The following YBX3 variants were observed in gnomAD, a reference collection of about 807,000 sequenced individuals.
YBX3 encodes the protein Y-box-binding protein 3.
In YBX3, 29 loss-of-function variants were observed where a neutral mutation model predicts 42.4. That is an observed-to-expected ratio of 0.68 (90% confidence interval 0.51 to 0.93). YBX3 has a LOEUF of 0.93. Ranked by LOEUF, YBX3 falls within the 40% of genes least tolerant of loss-of-function variation. The pLI is 0.00. For missense variants in YBX3, 517 were observed against 527.5 expected, an observed-to-expected ratio of 0.98 and a Z score of 0.19; for synonymous variants, 195 against 189.8, an observed-to-expected ratio of 1.03 and a Z score of -0.22.
At chr12:10,703,592 T>C (rs1948104626) in intron 7 of YBX3, 1 of 440,598 alleles carries the variant, frequency 2.3e-6, no homozygotes, top group African/African-American at 2.0e-5. Context: ...CAGGCTGGAA[T>C]GCAGTCCAAG....
At chr12:10,706,512 C>T (rs1479666576) in intron 6 of YBX3, among the ~76,000 whole-genome samples, 1 of 152,220 alleles carries the variant, frequency 6.6e-6, no homozygotes, top group Non-Finnish European at 1.5e-5. Context: ...TCAGCTTAAT[C>T]TCTACTTATC....
chr12:10,719,800 T>C (rs1013007759), intron 1 of YBX3, among the ~76,000 whole-genome samples: 6 of 152,342 alleles, frequency 3.9e-5, no homozygotes, highest in African/African-American at 1.2e-4. Context: ...CTCTACAGTT[T>C]TGCGAATCAA....
At chr12:10,714,498 T>C (rs1194933028) in intron 4 of YBX3, among the ~76,000 whole-genome samples, 4 of 152,202 alleles carry the variant, frequency 2.6e-5, no homozygotes. Flanking sequence ...AAAACTTCTG[T>C]AGCTAGTCTT....
chr12:10,713,178 T>C (rs575582522), intron 5 of YBX3, 33 bp downstream of exon 5: 1 of 1,591,252 alleles, frequency 6.3e-7, no homozygotes, highest in South Asian at 1.1e-5. Context: ...GAACAATTTC[T>C]CAATCACTGG....
In YBX3 at chr12:10,711,798, C is replaced by T. The variant is rs546684714; in HGVS notation, c.573+1413G>A. The T allele has an allele frequency of 5.3e-5, 8 of 152,270 alleles. No individual in the cohort carries two copies. The East Asian group carries it at 1.2e-3, about 22-fold the overall frequency. The allele number at this position is 152,270 out of a possible 1,614,324, so 9.4% of individuals were successfully genotyped here. On this transcript the variant is annotated intron_variant, in intron 5 of 9. Coordinates refer to ENST00000228251, the MANE Select transcript of YBX3 (RefSeq NM_003651.5). ...TTCTAAATATCTTTTATATGCATGA[C>T]TTTGGAATTTTCAGGTTTTGGACAG...
chr12:10,707,901 G>A (rs1428736815), intron 6 of YBX3, among the ~76,000 whole-genome samples: 2 of 152,202 alleles, frequency 1.3e-5, no homozygotes, highest in African/African-American at 4.8e-5. Flanking sequence ...TAAAGGATGA[G>A]AGTCTGCCAG....
At position 10,718,111 on chromosome 12, in the gene YBX3, T is replaced by C; in HGVS notation, c.337A>G (p.Lys113Glu). The C allele has an allele frequency of 1.9e-6, 3 of 1,612,408 alleles. No individual in the cohort carries two copies. Among genetic ancestry groups the C allele is most frequent in the Non-Finnish European group, 2.5e-6 (3 of 1,179,242 alleles). ...ACCTGATGTACAAATACATCTTCTT[T>C]GGTGTCATTTCTGTTGAAAGACAAA... ...GYGFINRNDTKEDVFVHQTAI... is the reference protein window; with the variant it reads ...GYGFINRNDTEEDVFVHQTAI... The change falls in exon 3 of 10, where the codon AAA becomes GAA. Residue 113 changes from lysine (K) to glutamate (E), a missense_variant. Physicochemically the swap from Lys to Glu is moderately conservative, Grantham distance 56. Around this residue, in one of 3 missense-constraint regions of YBX3, gnomAD observed 420 missense variants for 408.5 expected, o/e 1.03. Coordinates refer to ENST00000228251, the MANE Select transcript of YBX3 (RefSeq NM_003651.5).
intron 5 of YBX3, 116 bp from the exon 6 acceptor site, chr12:10,710,230 T>C: frequency 1.3e-6 from 2 of 1,531,522 alleles, no homozygotes; most frequent in Non-Finnish European, 1.7e-6. Context: ...TATAATCCTT[T>C]CCATTATACA....
rs371143475 is a variant in YBX3 at position 10,722,844 on chromosome 12, A to C, written c.262+6T>G. 1 of 1,478,910 alleles carries C rather than the reference A, an allele frequency of 6.8e-7. No homozygotes were observed. The highest frequency in any genetic ancestry group is 9.0e-7 in the Non-Finnish European group (1 of 1,114,212). 91.6% of individuals were successfully genotyped at this position (1,478,910 alleles called of 1,614,324 possible). A position where few individuals can be genotyped will look rare whatever the true frequency, so the allele number is the denominator to read the frequency against. ...GGCAGCCCCTGCCCTCCCTGGCCTG[A>C]CTCACCGAGAACTTTTTTCTCCGCG... On this transcript the variant is annotated splice_donor_region_variant and intron_variant, in intron 1 of 9. Transcript: ENST00000228251.
chr12:10,704,088 C>CCGGT lies in YBX3; in HGVS notation c.837_840dup (p.Val281ThrfsTer14). 1 of 1,614,164 alleles carries CCGGT rather than the reference C, an allele frequency of 6.2e-7. No homozygotes were observed. Among genetic ancestry groups the CCGGT allele is most frequent in the Non-Finnish European group, 8.5e-7 (1 of 1,180,028 alleles). On this transcript the variant is annotated frameshift_variant, in exon 7 of 10. Transcript: ENST00000228251. LOFTEE classifies it high-confidence loss of function. ...GGGCGGTAAGTTGGATTTCGATGAA[C>CCGGT]CGGTCCCTGAAGTTGTGCTCCCTCT...
chr12:10,704,241 AAAAAC>A, intron 6 of YBX3, 93 bp from the exon 7 acceptor site: 1 of 1,025,696 alleles, frequency 9.7e-7, no homozygotes, highest in Non-Finnish European at 1.4e-6. Context: ...TTTAGAAGTA[AAAAAC>A]AAAATGCTTC....
chr12:10,722,139 T>C (rs1948333483), intron 1 of YBX3: 1 of 152,246 alleles, frequency 6.6e-6, no homozygotes, highest in Non-Finnish European at 1.5e-5. Flanking sequence ...GGGAAGCGTG[T>C]AGCCATTGGT....
At position 10,723,085 on chromosome 12, in the gene YBX3, G is replaced by A; in HGVS notation, c.27C>T (p.Thr9=). MSEAGEAT[T]TTTTTLPQAP... ...CCTGCGGGAGGGTGGTGGTGGTGGT[G>A]GTGGTGGCCTCGCCCGCCTCACTCA... Residue 9 remains threonine (T), a synonymous_variant, in exon 1 of 10, where the codon ACC becomes ACT. Coordinates refer to ENST00000228251, the MANE Select transcript of YBX3 (RefSeq NM_003651.5). 1 of 1,207,760 alleles carries A rather than the reference G, an allele frequency of 8.3e-7. No homozygotes were observed. Among genetic ancestry groups the A allele is most frequent in the Non-Finnish European group, 1.0e-6 (1 of 973,664 alleles). The allele number at this position is 1,207,760 out of a possible 1,614,324, so 74.8% of individuals were successfully genotyped here. A position where few individuals can be genotyped will look rare whatever the true frequency, so the allele number is the denominator to read the frequency against.
At chr12:10,704,605 C>T (rs943751404) in intron 6 of YBX3, among the ~76,000 whole-genome samples, 3 of 150,600 alleles carry the variant, frequency 2.0e-5, no homozygotes, top group African/African-American at 7.3e-5. Context: ...CATAACTCAA[C>T]TTTCTTTTCT....
At chr12:10,716,659 A>G (rs1022131208) in intron 3 of YBX3, among the ~76,000 whole-genome samples, 6 of 152,142 alleles carry the variant, frequency 3.9e-5, no homozygotes, top group African/African-American at 1.4e-4. Context: ...AACTAGGTCA[A>G]CCTTATTTTA....
At position 10,715,747 on chromosome 12, in the gene YBX3, G is replaced by T. The variant is rs375943386; in HGVS notation, c.397C>A (p.Arg133Ser). ...IKKNNPRKYL[R>S]SVGDGETVEF... The stretch of plus-strand genomic sequence containing the variant: ...ACAGTTTCTCCATCTCCTACACTGC[G>T]CAGATATTTCCGTGGGTTATTCTTC... The change falls in exon 4 of 10, where the codon CGC becomes AGC. Residue 133 changes from arginine to serine, a missense_variant. Around this residue, in one of 3 missense-constraint regions of YBX3, gnomAD observed 420 missense variants for 408.5 expected, o/e 1.03. Transcript: ENST00000228251. The T allele has an allele frequency of 6.2e-7, 1 of 1,613,960 alleles. No individual in the cohort carries two copies. The highest frequency in any genetic ancestry group is 2.2e-5 in the East Asian group (1 of 44,868).
chr12:10,703,785 ATTTAT>A, intron 7 of YBX3: 1 of 388,906 alleles, frequency 2.6e-6, no homozygotes, highest in Non-Finnish European at 4.7e-6. Context: ...AATTTATCTG[ATTTAT>A]TTTGATAAAA....
intron 1 of YBX3, 40 bp downstream of exon 1, chr12:10,722,809 GC>G: frequency 1.4e-6 from 2 of 1,392,660 alleles, no homozygotes; most frequent in African/African-American, 1.5e-5. Flanking sequence ...GGCTGGGCCC[GC>G]CCCACTACGG....
chr12:10,704,017 C>T (rs1191663566), intron 7 of YBX3, 34 bp downstream of exon 7: 1 of 1,598,966 alleles, frequency 6.3e-7, no homozygotes, highest in Admixed American at 1.7e-5. Context: ...CACACAAGTC[C>T]TTTAACTGGC....
Sources: gnomAD v4.1 joint callset for allele counts (sites outside exome capture counted in the v4.1 genomes callset) on GRCh38, gnomAD v4.1.1 for gene constraint, gnomAD v4.1.1 regional missense constraint, MANE v1.5 for transcripts, NCBI Gene and HGNC (gene_info 2026-07-23, HGNC 2026-07-21) for gene names.